DOCK3: variants seen among roughly 807,000 people sequenced by gnomAD.
The protein encoded by DOCK3 is dedicator of cytokinesis 3.
A neutral mutation model predicts 265.6 loss-of-function variants in DOCK3; 60 were observed. The observed-to-expected ratio is 0.23, with a 90% CI of 0.18 to 0.28. The LOEUF (loss-of-function observed/expected upper bound fraction) is 0.28, where lower values mean the gene tolerates loss of function less well. Ranked by LOEUF, DOCK3 falls within the 10% of genes least tolerant of loss-of-function variation. The pLI is 1.00. For missense variants in DOCK3, 1,981 were observed against 2,594.3 expected (o/e 0.76, Z 5.14); for synonymous variants, 881 against 938.0 (o/e 0.94, Z 1.11).
chr3:50,794,514 T>C (rs2042659839), intron 2 of DOCK3, among the ~76,000 whole-genome samples: 2 of 152,302 alleles, frequency 1.3e-5, no homozygotes, highest in East Asian at 1.9e-4. Context: ...TTGATCTTCG[T>C]TGGTTTAAAG....
chr3:51,328,601 T>C (rs1037153861), intron 32 of DOCK3, among the ~76,000 whole-genome samples: 15 of 144,606 alleles, frequency 1.0e-4, no homozygotes, highest in Non-Finnish European at 1.3e-4. Context: ...AGCAGACCAC[T>C]ATTAAAAAAA....
intron 32 of DOCK3, among the ~76,000 whole-genome samples, chr3:51,319,780 G>A (rs759884237): frequency 2.1e-4 from 32 of 151,752 alleles, no homozygotes; most frequent in African/African-American, 6.8e-4. Flanking sequence ...CAGGATAATC[G>A]CTTGAACCTG....
chr3:51,289,904 C>T (rs1240955219), intron 27 of DOCK3, among the ~76,000 whole-genome samples: 1 of 152,300 alleles, frequency 6.6e-6, no homozygotes, highest in East Asian at 1.9e-4. Context: ...CAAAAGAAGA[C>T]ATTTATGCAG....
At chr3:51,320,847 C>A (rs888786948) in intron 32 of DOCK3, among the ~76,000 whole-genome samples, 4 of 151,434 alleles carry the variant, frequency 2.6e-5, no homozygotes, top group African/African-American at 9.7e-5. Context: ...TAGATAAAAC[C>A]CCCATCTCCC....
chr3:50,727,053 A>G (rs984976990), intron 1 of DOCK3, among the ~76,000 whole-genome samples: 3 of 139,450 alleles, frequency 2.2e-5, no homozygotes, highest in South Asian at 2.1e-4. Context: ...ATGTCTCACT[A>G]AAAAACAGAG....
At chr3:50,761,634 C>T (rs1381244282) in intron 1 of DOCK3, among the ~76,000 whole-genome samples, 1 of 152,184 alleles carries the variant, frequency 6.6e-6, no homozygotes, top group African/African-American at 2.4e-5. Flanking sequence ...CAGTTGGATT[C>T]ACTTTTCTGC....
intron 27 of DOCK3, among the ~76,000 whole-genome samples, chr3:51,282,540 C>A (rs2081180140): frequency 6.6e-6 from 1 of 151,676 alleles, no homozygotes; most frequent in African/African-American, 2.4e-5. Flanking sequence ...GTAATCCCAG[C>A]TACTCGGGAG....
intron 5 of DOCK3, among the ~76,000 whole-genome samples, chr3:50,985,320 G>T (rs138692253): frequency 6.6e-6 from 1 of 152,208 alleles, no homozygotes; most frequent in African/African-American, 2.4e-5. Context: ...ATCCTCAGTT[G>T]TCCTTTTAAA....
rs1553619459 is a variant in DOCK3, at chr3:51,382,815, T to C, written c.*1256T>C. On this transcript the variant is annotated 3_prime_UTR_variant, in exon 53 of 53. Coordinates refer to ENST00000266037, the MANE Select transcript of DOCK3 (RefSeq NM_004947.5). ...CTGTTGGTGTCTTTATAGGAAACTA[T>C]AAAGCAGAGCAGTGGTGTCTTTAGA... 6.6e-6 allele frequency: 1 copy of C among 152,390 alleles called. No homozygotes were observed. Among genetic ancestry groups the C allele is most frequent in the Admixed American group, 6.5e-5 (1 of 15,288 alleles). The allele number at this position is 152,390 out of a possible 1,614,324, so 9.4% of individuals were successfully genotyped here.
intron 27 of DOCK3, among the ~76,000 whole-genome samples, chr3:51,290,655 G>A (rs1487697528): frequency 6.6e-6 from 1 of 152,078 alleles, no homozygotes; most frequent in East Asian, 1.9e-4. Flanking sequence ...TGCATGTTGT[G>A]CATATGTACC....
At chr3:50,978,098 C>T (rs1271957352) in intron 5 of DOCK3, among the ~76,000 whole-genome samples, 3 of 151,936 alleles carry the variant, frequency 2.0e-5, no homozygotes, top group Non-Finnish European at 2.9e-5. Context: ...AGTGTCCTCC[C>T]GTAGCTCAGA....
intron 1 of DOCK3, among the ~76,000 whole-genome samples, chr3:50,731,211 A>G (rs2038190358): frequency 6.6e-6 from 1 of 152,238 alleles, no homozygotes; most frequent in African/African-American, 2.4e-5. Context: ...GCATTATATA[A>G]AAAGGATAAT....
chr3:51,280,300 A>T, intron 27 of DOCK3, 96 bp downstream of exon 27: 10 of 1,129,864 alleles, frequency 8.9e-6, no homozygotes, highest in Non-Finnish European at 1.3e-5. Flanking sequence ...GCAAGTGACT[A>T]GCATTGCCAC....
chr3:51,368,702 A>T (rs947202132), intron 49 of DOCK3, among the ~76,000 whole-genome samples: 3 of 152,198 alleles, frequency 2.0e-5, no homozygotes, highest in Non-Finnish European at 4.4e-5. Context: ...CTTTGAAGAG[A>T]GTAGTGGTTC....
intron 5 of DOCK3, among the ~76,000 whole-genome samples, chr3:51,044,593 C>T (rs1431089853): frequency 6.6e-6 from 1 of 150,982 alleles, no homozygotes; most frequent in Non-Finnish European, 1.5e-5. Context: ...AAAAAAAAAG[C>T]CCTAAATGGC....
intron 14 of DOCK3, among the ~76,000 whole-genome samples, chr3:51,223,951 A>G (rs1232877198): frequency 6.6e-6 from 1 of 152,200 alleles, no homozygotes; most frequent in African/African-American, 2.4e-5. Context: ...GGAGGGCCCA[A>G]GCAGCAATGT....
chr3:50,925,549 G>T (rs2050710572), intron 4 of DOCK3, among the ~76,000 whole-genome samples: 1 of 151,768 alleles, frequency 6.6e-6, no homozygotes, highest in Admixed American at 6.6e-5. Flanking sequence ...GCAAGACTCT[G>T]CCTCCTTAAA....
At position 50,675,208 on chromosome 3, in the gene DOCK3, TC is replaced by T. The variant is rs2033843835; in HGVS notation, c.-52del. ...TGCGCCACAGCCGGGCCCGCGGCCG[TC>T]CCCGCCGCGTTGTCGCCCGGTCGCC... is the stretch of plus-strand genomic sequence containing the variant. On this transcript the variant is annotated 5_prime_UTR_variant, in exon 1 of 53. Transcript: ENST00000266037. This position sits in a 1 kb window ranked among gnomAD's most constrained non-coding sequence, Gnocchi z 6.1. The T allele has an allele frequency of 9.2e-6, 10 of 1,089,262 alleles. No homozygotes were observed. Among genetic ancestry groups the T allele is most frequent in the Non-Finnish European group, 1.1e-5 (10 of 890,714 alleles). 67.5% of individuals were successfully genotyped at this position (1,089,262 alleles called of 1,614,324 possible).
intron 1 of DOCK3, among the ~76,000 whole-genome samples, chr3:50,703,631 A>G (rs571590848): frequency 2.0e-5 from 3 of 151,816 alleles, no homozygotes; most frequent in African/African-American, 7.2e-5. Flanking sequence ...TGTTCATAAG[A>G]GTCTAATGAT....
Sources: allele counts gnomAD v4.1 joint callset (sites outside exome capture counted in the v4.1 genomes callset), GRCh38; gene constraint gnomAD v4.1.1; non-coding constraint Gnocchi (gnomAD v3.1); transcripts MANE v1.5; gene names NCBI Gene and HGNC (gene_info 2026-07-23, HGNC 2026-07-21).